The following TEX10 variants were observed in gnomAD, a reference collection of about 807,000 sequenced individuals.
TEX10 encodes the protein testis-expressed protein 10.
A neutral mutation model predicts 104.4 loss-of-function variants in TEX10; 24 were observed. The ratio of observed to expected loss-of-function variants is 0.23; its 90% CI spans 0.17 to 0.32. The LOEUF (loss-of-function observed/expected upper bound fraction) is 0.32, where lower values mean the gene tolerates loss of function less well. Ranked by LOEUF, TEX10 falls within the 10% of genes least tolerant of loss-of-function variation. The pLI is 1.00. For synonymous variants in TEX10, 396 were observed against 393.4 expected (o/e 1.01, Z -0.08); for missense variants, 921 against 1,083.9 (o/e 0.85, Z 2.11).
chr9:100,337,434 A>G (rs903145692), intron 5 of TEX10, among the ~76,000 whole-genome samples: 5 of 152,244 alleles, frequency 3.3e-5, no homozygotes, highest in African/African-American at 9.6e-5. Flanking sequence ...ACACATACAT[A>G]TAATTCTCCA....
intron 13 of TEX10, chr9:100,305,800 G>A (rs993194772): frequency 6.6e-5 from 10 of 152,206 alleles, no homozygotes; most frequent in African/African-American, 2.4e-4. Context: ...TGGAAGGCAG[G>A]GAGTTTGAAC....
At chr9:100,318,406 A>G (rs1314022660) in intron 11 of TEX10, among the ~76,000 whole-genome samples, 1 of 152,208 alleles carries the variant, frequency 6.6e-6, no homozygotes, top group Non-Finnish European at 1.5e-5. Flanking sequence ...GGGAGCTAAA[A>G]ATAATGTCTA....
Position 100,349,170 on chromosome 9 carries a change from G to A in TEX10, c.180+14C>T. Reference sequence around the variant, plus strand: ...AGAAAATCTTATTTTGTCAAAACATGATTTATGATTTACCTTTATGTTAAG... The same window carrying A: ...AGAAAATCTTATTTTGTCAAAACATAATTTATGATTTACCTTTATGTTAAG... On this transcript the variant is annotated intron_variant, in intron 2 of 14. Coordinates refer to ENST00000374902, the MANE Select transcript of TEX10 (RefSeq NM_017746.4). The A allele has an allele frequency of 6.6e-7, 1 of 1,512,518 alleles. No homozygotes were observed. The highest frequency in any genetic ancestry group is 8.8e-7 in the Non-Finnish European group (1 of 1,134,380). The allele number at this position is 1,512,518 out of a possible 1,614,324, so 93.7% of individuals were successfully genotyped here.
At chr9:100,323,811 G>C (rs1264520373) in intron 9 of TEX10, among the ~76,000 whole-genome samples, 1 of 152,158 alleles carries the variant, frequency 6.6e-6, no homozygotes, top group Non-Finnish European at 1.5e-5. Context: ...AGACCAATTA[G>C]TGTGACAAGA....
chr9:100,321,356 C>G (rs1223000660), intron 10 of TEX10, among the ~76,000 whole-genome samples: 1 of 152,058 alleles, frequency 6.6e-6, no homozygotes, highest in Non-Finnish European at 1.5e-5. Flanking sequence ...TGAAAATATT[C>G]AAATAATACA....
intron 7 of TEX10, 71 bp from the exon 8 acceptor site, chr9:100,328,033 ATTTT>A: frequency 8.0e-7 from 1 of 1,250,204 alleles, no homozygotes; most frequent in Non-Finnish European, 1.0e-6. Flanking sequence ...CAAAAAAAAA[ATTTT>A]TTTTTAACTT....
chr9:100,304,029 T>A, intron 13 of TEX10, 187 bp from the exon 14 acceptor site: 1 of 601,152 alleles, frequency 1.7e-6, no homozygotes. Context: ...TACCTAGGAA[T>A]ACATCTAACC....
intron 12 of TEX10, among the ~76,000 whole-genome samples, chr9:100,309,934 A>C (rs1453683478): frequency 6.6e-6 from 1 of 152,150 alleles, no homozygotes; most frequent in African/African-American, 2.4e-5. Flanking sequence ...TTGGACCCCA[A>C]ACCTTCTAGG....
chr9:100,307,719 G>A (rs1339887982), intron 13 of TEX10: 2 of 152,086 alleles, frequency 1.3e-5, no homozygotes, highest in African/African-American at 4.8e-5. Flanking sequence ...AACAGTATAT[G>A]TGCTGATGAT....
intron 1 of TEX10, chr9:100,352,287 G>A: frequency 1.4e-6 from 2 of 1,448,320 alleles, no homozygotes; most frequent in South Asian, 1.2e-5. Flanking sequence ...AGGCAGGGGC[G>A]ACCCCAGAAA....
rs536219348 is a variant in TEX10 at position 100,352,884 on chromosome 9, G to C, written c.-122C>G. The stretch of plus-strand genomic sequence containing the variant: ...CCTCAGGCTCTAGCTCCCGGAGCGT[G>C]TTTTCAAATAGCCTCGTCCTCACGC... On this transcript the variant is annotated 5_prime_UTR_variant, in exon 1 of 15. Transcript: ENST00000374902. 1.0e-6 allele frequency: 1 copy of C among 996,458 alleles called. No individual in the cohort carries two copies. The highest frequency in any genetic ancestry group is 1.2e-6 in the Non-Finnish European group (1 of 838,010). 61.7% of individuals were successfully genotyped at this position (996,458 alleles called of 1,614,324 possible).
At chr9:100,330,216 C>T in intron 5 of TEX10, 47 bp from the exon 6 acceptor site, 1 of 1,315,462 alleles carries the variant, frequency 7.6e-7, no homozygotes, top group Non-Finnish European at 1.1e-6. Context: ...GTCTACCATG[C>T]CTGCTTCATT....
At chr9:100,337,981 A>G (rs1201852269) in intron 5 of TEX10, among the ~76,000 whole-genome samples, 2 of 152,176 alleles carry the variant, frequency 1.3e-5, no homozygotes. Context: ...GTAAATATAC[A>G]CATGTAAATG....
intron 9 of TEX10, 23 bp from the exon 10 acceptor site, chr9:100,321,794 T>A: frequency 6.3e-7 from 1 of 1,586,108 alleles, no homozygotes; most frequent in Non-Finnish European, 8.6e-7. Flanking sequence ...AAGGGAGAAC[T>A]ATTACCAGAA....
At chr9:100,346,046 G>C in intron 4 of TEX10, 26 bp downstream of exon 4, 1 of 1,583,264 alleles carries the variant, frequency 6.3e-7, no homozygotes, top group East Asian at 2.3e-5. Flanking sequence ...TTAATACTAA[G>C]AAAATAAAGA....
chr9:100,329,180 T>C lies in TEX10; in HGVS notation c.1585A>G (p.Lys529Glu). The C allele has an allele frequency of 1.2e-6, 2 of 1,611,578 alleles. No individual in the cohort carries two copies. Among genetic ancestry groups the C allele is most frequent in the Non-Finnish European group, 1.7e-6 (2 of 1,179,382 alleles). Residue 529 changes from lysine (K) to glutamate (E), a missense_variant, in exon 7 of 15, where the codon AAA becomes GAA. Lys to Glu is a moderately conservative substitution (Grantham distance 56). Around this residue, in one of 3 missense-constraint regions of TEX10, gnomAD observed 753 missense variants for 868.4 expected, o/e 0.87. Coordinates refer to ENST00000374902, the MANE Select transcript of TEX10 (RefSeq NM_017746.4). ...CTCAGTTCTTCTGTCTGATAGATTTTACTGAAAAACTTCAATAACAAAGTC... is the reference window on the plus strand; with the variant it reads ...CTCAGTTCTTCTGTCTGATAGATTTCACTGAAAAACTTCAATAACAAAGTC... ...VRTLLLKFFS[K>E]IYQTEELRSC...
At chr9:100,352,291 C>G in intron 1 of TEX10, 1 of 1,480,438 alleles carries the variant, frequency 6.8e-7, no homozygotes, top group Non-Finnish European at 9.2e-7. Flanking sequence ...AGGGGCGACC[C>G]CAGAAAACTG....
At chr9:100,327,691 G>A (rs980089624) in intron 8 of TEX10, 96 bp downstream of exon 8, 2 of 1,031,088 alleles carry the variant, frequency 1.9e-6, no homozygotes, top group Admixed American at 2.8e-5. Flanking sequence ...TTCAGACTAA[G>A]GGAAAGGCAA....
chr9:100,307,597 T>C (rs1834174485), intron 13 of TEX10: 1 of 152,078 alleles, frequency 6.6e-6, no homozygotes, highest in Admixed American at 6.6e-5. Flanking sequence ...CCTGATACTG[T>C]TCACAAATGC....
Sources: allele counts gnomAD v4.1 joint callset (sites outside exome capture counted in the v4.1 genomes callset), GRCh38; gene constraint gnomAD v4.1.1; regional missense constraint gnomAD v4.1.1; transcripts MANE v1.5; gene names NCBI Gene and HGNC (gene_info 2026-07-23, HGNC 2026-07-21).